PITPNM2: variants seen among roughly 807,000 people sequenced by gnomAD.
PITPNM2 encodes the protein phosphatidylinositol transfer protein membrane associated 2, also known as membrane-associated phosphatidylinositol transfer protein 2.
In PITPNM2, 35 loss-of-function variants were observed where a neutral mutation model predicts 132.2. The ratio of observed to expected loss-of-function variants is 0.26; its 90% CI spans 0.20 to 0.35. The LOEUF (loss-of-function observed/expected upper bound fraction) is 0.35. Ranked by LOEUF, PITPNM2 falls within the 10% of genes least tolerant of loss-of-function variation. PITPNM2 has a pLI of 1.00. For synonymous variants in PITPNM2, 738 were observed against 799.2 expected (o/e 0.92, Z 1.29); for missense variants, 1,332 against 1,912.0 (o/e 0.70, Z 5.66).
chr12:123,108,865 CA>C lies in PITPNM2; in HGVS notation c.-96+1519del, dbSNP rs1356957781. ...AGAAGGGAAGGGACTTACCCGAGAT[CA>C]GACAGCAAGTAACAGTTGAGCCTGG... On this transcript the variant is annotated intron_variant, in intron 2 of 25. Coordinates refer to ENST00000320201, the MANE Select transcript of PITPNM2 (RefSeq NM_020845.3). The surrounding 1 kb of genome is among the most constrained non-coding windows in gnomAD (Gnocchi z 4.4). Among the ~76,000 whole-genome samples the C allele has an allele frequency of 6.6e-6, 1 of 152,146 alleles. No homozygotes were observed. The highest frequency in any genetic ancestry group is 2.4e-5 in the African/African-American group (1 of 41,444).
intron 2 of PITPNM2, chr12:123,075,479 C>T (rs1408127115): frequency 6.6e-6 from 1 of 152,292 alleles, no homozygotes; most frequent in Middle Eastern, 3.2e-3. Flanking sequence ...GGGAGCTTCA[C>T]TGGCTTCGTG....
At chr12:123,038,330 GA>G (rs1242983704) in intron 2 of PITPNM2, among the ~76,000 whole-genome samples, 2 of 152,338 alleles carry the variant, frequency 1.3e-5, no homozygotes, top group East Asian at 1.9e-4. Context: ...GAGTGACACA[GA>G]ATGTGACGGG....
At chr12:123,145,657 G>A (rs2043600090) in intron 1 of PITPNM2, among the ~76,000 whole-genome samples, 1 of 152,122 alleles carries the variant, frequency 6.6e-6, no homozygotes, top group African/African-American at 2.4e-5. Flanking sequence ...GTCTGTTACC[G>A]GAAACCTGCC....
chr12:123,127,617 T>C (rs898004038), intron 1 of PITPNM2, among the ~76,000 whole-genome samples: 1 of 150,958 alleles, frequency 6.6e-6, no homozygotes, highest in Non-Finnish European at 1.5e-5. Flanking sequence ...TTTCTTTTTT[T>C]TTTTTTTTTT....
chr12:123,060,233 C>T (rs954768171), intron 2 of PITPNM2, among the ~76,000 whole-genome samples: 1 of 152,226 alleles, frequency 6.6e-6, no homozygotes, highest in Admixed American at 6.5e-5. Context: ...GGTTAAAACC[C>T]TTCAAGAATT....
intron 1 of PITPNM2, among the ~76,000 whole-genome samples, chr12:123,114,065 C>T (rs1180839604): frequency 7.2e-5 from 11 of 152,142 alleles, no homozygotes; most frequent in Admixed American, 6.5e-4. Context: ...CCATTATATA[C>T]ACTACATCTT....
chr12:123,043,778 C>T (rs541722958), intron 2 of PITPNM2, among the ~76,000 whole-genome samples: 1 of 152,230 alleles, frequency 6.6e-6, no homozygotes, highest in African/African-American at 2.4e-5. Flanking sequence ...TCCGAGAGGG[C>T]GCATCCTGCT....
intron 1 of PITPNM2, among the ~76,000 whole-genome samples, chr12:123,118,246 A>G (rs552893640): frequency 2.6e-5 from 4 of 152,368 alleles, no homozygotes; most frequent in Middle Eastern, 3.4e-3. Context: ...TAGAACTACC[A>G]GTCTAGGTGA....
intron 2 of PITPNM2, among the ~76,000 whole-genome samples, chr12:123,054,357 T>A (rs936005043): frequency 6.6e-6 from 1 of 152,236 alleles, no homozygotes; most frequent in Non-Finnish European, 1.5e-5. Flanking sequence ...TTTGCCTGCA[T>A]GGATATGGGT....
Position 123,004,250 on chromosome 12 carries a change from TG to T in PITPNM2, c.1048+143del. On this transcript the variant is annotated intron_variant, in intron 8 of 25. Transcript: ENST00000320201. The surrounding 1 kb of genome is among the most constrained non-coding windows in gnomAD (Gnocchi z 4.9). ...TGCCCCAAACACCAGGCTGTCCACC[TG>T]GGACAGTGCAGGTATAGGGACTGGA... The T allele has an allele frequency of 1.4e-6, 1 of 734,170 alleles. No individual in the cohort carries two copies. The highest frequency in any genetic ancestry group is 2.3e-6 in the Non-Finnish European group (1 of 435,212). The allele number at this position is 734,170 out of a possible 1,614,324, so 45.5% of individuals were successfully genotyped here.
intron 10 of PITPNM2, 133 bp from the exon 11 acceptor site, chr12:122,997,705 T>C (rs1481802748): frequency 7.9e-7 from 1 of 1,273,738 alleles, no homozygotes; most frequent in African/African-American, 1.5e-5. Context: ...CAGTTTTGGT[T>C]ACTCATGCCT....
intron 2 of PITPNM2, among the ~76,000 whole-genome samples, chr12:123,068,526 TA>T: frequency 6.6e-6 from 1 of 152,158 alleles, no homozygotes; most frequent in East Asian, 1.9e-4. Flanking sequence ...ACACCAGCCC[TA>T]AGCAGACAGC....
At chr12:123,065,477 G>A (rs896252739) in intron 2 of PITPNM2, among the ~76,000 whole-genome samples, 1 of 152,184 alleles carries the variant, frequency 6.6e-6, no homozygotes, top group Non-Finnish European at 1.5e-5. Context: ...TGCAAGACAG[G>A]AACAACCATT....
chr12:123,002,325 G>C (rs1423780887), intron 8 of PITPNM2, among the ~76,000 whole-genome samples: 1 of 152,176 alleles, frequency 6.6e-6, no homozygotes, highest in Non-Finnish European at 1.5e-5. Flanking sequence ...AACAGAGTGA[G>C]ACTCCGTCTC....
At position 122,995,604 on chromosome 12, in the gene PITPNM2, A is replaced by G. The variant is rs1566235165; in HGVS notation, c.1839T>C (p.Gly613=). 5.0e-6 allele frequency: 8 copies of G among 1,604,970 alleles called. No individual in the cohort carries two copies. In the Admixed American group the frequency reaches 5.0e-5, roughly 10 times the overall value. Residue 613 remains glycine, a synonymous_variant, in exon 14 of 26, where the codon GGT becomes GGC. Coordinates refer to ENST00000320201, the MANE Select transcript of PITPNM2 (RefSeq NM_020845.3). The stretch of plus-strand genomic sequence containing the variant: ...CACCACCGCCACCGCCGCCACCGCC[A>G]CCACCGCAGCAGTGTGCTGCATTCA... ...ILMNAAHCCG[G]GGGGGGGGGS...
intron 2 of PITPNM2, among the ~76,000 whole-genome samples, chr12:123,068,331 G>A (rs141334361): frequency 0.017 from 2,553 of 152,146 alleles, 37 homozygotes; most frequent in Non-Finnish European, 0.027. Context: ...GCCGGGTGAG[G>A]TGGCTACTTG....
intron 2 of PITPNM2, among the ~76,000 whole-genome samples, chr12:123,076,403 G>A (rs909088112): frequency 1.3e-5 from 2 of 152,218 alleles, no homozygotes; most frequent in African/African-American, 2.4e-5. Context: ...GCTTTGGGGA[G>A]ATAAACATAG....
chr12:123,041,121 T>C (rs912250973), intron 2 of PITPNM2, among the ~76,000 whole-genome samples: 15 of 152,192 alleles, frequency 9.9e-5, no homozygotes, highest in African/African-American at 3.4e-4. Flanking sequence ...AGTGGGCAAA[T>C]TGCTTAATCC....
rs2038860605 is a variant in PITPNM2 at position 123,004,938 on chromosome 12, C to G, written c.952+302G>C. Among the ~76,000 whole-genome samples the G allele has an allele frequency of 2.0e-5, 3 of 152,224 alleles. No homozygotes were observed. The East Asian group carries it at 5.8e-4, about 29-fold the overall frequency. The stretch of plus-strand genomic sequence containing the variant: ...CCTTAATCTCAGGGTCTGAAGTCTC[C>G]TAGGGTCCCCATCAGGAGGGGTGGC... On this transcript the variant is annotated intron_variant, in intron 7 of 25. Transcript: ENST00000320201. This position sits in a 1 kb window ranked among gnomAD's most constrained non-coding sequence, Gnocchi z 4.9.
Sources: allele counts gnomAD v4.1 joint callset (sites outside exome capture counted in the v4.1 genomes callset), GRCh38; gene constraint gnomAD v4.1.1; non-coding constraint Gnocchi (gnomAD v3.1); transcripts MANE v1.5; gene names NCBI Gene and HGNC (gene_info 2026-07-23, HGNC 2026-07-21).